Variants in GCNT1 observed in about 807,000 individuals in gnomAD.
The protein encoded by GCNT1 is beta-1,3-galactosyl-O-glycosyl-glycoprotein beta-1,6-N-acetylglucosaminyltransferase.
GCNT1 carries 16 observed loss-of-function variants against 26.2 expected under a neutral mutation model. The ratio of observed to expected loss-of-function variants is 0.61; its 90% CI spans 0.41 to 0.93. The LOEUF is 0.93. GCNT1 is among the 40% of genes least tolerant of loss of function. GCNT1 has a pLI of 0.00. For missense variants in GCNT1, 477 were observed against 526.7 expected (o/e 0.91, Z 0.92); for synonymous variants, 183 against 190.8 (o/e 0.96, Z 0.34).
intron 2 of GCNT1, among the ~76,000 whole-genome samples, chr9:76,471,763 G>C (rs951613756): frequency 6.6e-6 from 1 of 152,186 alleles, no homozygotes; most frequent in African/African-American, 2.4e-5. Flanking sequence ...TGGTAGATGT[G>C]ATTTTGCAGC....
intron 2 of GCNT1, among the ~76,000 whole-genome samples, chr9:76,477,309 C>T (rs549206518): frequency 2.0e-5 from 3 of 150,860 alleles, no homozygotes; most frequent in Non-Finnish European, 3.0e-5. Context: ...GGGTGGATCA[C>T]GAGGTCAGGA....
upstream of GCNT1, among the ~76,000 whole-genome samples, chr9:76,416,641 G>A (rs1324715752): frequency 3.9e-5 from 6 of 152,234 alleles, no homozygotes; most frequent in East Asian, 1.9e-4. Context: ...CAAGTCCCAC[G>A]AAGGGATCCA....
the GCNT1 span, among the ~76,000 whole-genome samples, chr9:76,400,730 G>A: frequency 6.6e-6 from 1 of 152,198 alleles, no homozygotes; most frequent in Non-Finnish European, 1.5e-5. Flanking sequence ...CTGTGAGTCA[G>A]GTATGCTTGA....
At chr9:76,428,576 A>G (rs1032184307) in intron 1 of GCNT1, among the ~76,000 whole-genome samples, 4 of 152,158 alleles carry the variant, frequency 2.6e-5, no homozygotes, top group South Asian at 2.1e-4. Flanking sequence ...CCCCTCCCCA[A>G]TGGTATTTTC....
chr9:76,426,002 G>A (rs778956036), intron 1 of GCNT1, among the ~76,000 whole-genome samples: 62 of 152,148 alleles, frequency 4.1e-4, no homozygotes, highest in Admixed American at 7.2e-4. Context: ...GAGCAATTTG[G>A]GGAGGGTCAG....
At chr9:76,394,052 TG>T in the GCNT1 span, 1 of 1,553,528 alleles carries the variant, frequency 6.4e-7, no homozygotes, top group Non-Finnish European at 8.7e-7. Flanking sequence ...GCTCCCCACG[TG>T]ACCCGGCCCG....
intron 1 of GCNT1, among the ~76,000 whole-genome samples, chr9:76,424,333 T>C (rs1291034811): frequency 6.6e-6 from 1 of 152,156 alleles, no homozygotes; most frequent in Non-Finnish European, 1.5e-5. Context: ...GGAAAAAAAG[T>C]TGTTTCTACC....
intron 3 of GCNT1, among the ~76,000 whole-genome samples, chr9:76,501,557 C>T (rs1202772567): frequency 6.6e-6 from 1 of 152,192 alleles, no homozygotes; most frequent in Non-Finnish European, 1.5e-5. Flanking sequence ...TGGAACTAAA[C>T]TCATTGTGGG....
chr9:76,442,540 G>A (rs998139723), intron 1 of GCNT1, among the ~76,000 whole-genome samples: 2 of 152,116 alleles, frequency 1.3e-5, no homozygotes, highest in Non-Finnish European at 2.9e-5. Flanking sequence ...AATTAGCTGG[G>A]CTTGGTGGTA....
At chr9:76,455,184 A>G (rs1823737519), upstream of GCNT1, among the ~76,000 whole-genome samples, 2 of 152,012 alleles carry the variant, frequency 1.3e-5, no homozygotes, top group African/African-American at 4.8e-5. Flanking sequence ...CAGTCTCAGA[A>G]ATGTCTTTAT....
At chr9:76,466,935 A>G (rs1175602818) in intron 2 of GCNT1, among the ~76,000 whole-genome samples, 3 of 152,206 alleles carry the variant, frequency 2.0e-5, no homozygotes, top group East Asian at 1.9e-4. Context: ...ATTACCTTGA[A>G]GCTTGGCCCT....
At chr9:76,435,830 G>A (rs1022596717) in intron 1 of GCNT1, among the ~76,000 whole-genome samples, 7 of 152,082 alleles carry the variant, frequency 4.6e-5, no homozygotes, top group Non-Finnish European at 4.4e-5. Context: ...AATCTTGAGT[G>A]GAAAAGAGTC....
At chr9:76,488,186 T>C (rs1350913957) in intron 2 of GCNT1, among the ~76,000 whole-genome samples, 1 of 152,250 alleles carries the variant, frequency 6.6e-6, no homozygotes, top group Non-Finnish European at 1.5e-5. Context: ...TCATGATTAA[T>C]GAATACATCT....
upstream of GCNT1, among the ~76,000 whole-genome samples, chr9:76,417,336 A>G (rs1007343958): frequency 6.6e-6 from 1 of 152,194 alleles, no homozygotes; most frequent in African/African-American, 2.4e-5. Flanking sequence ...CCACCTGAGT[A>G]TGTATCACAA....
chr9:76,416,747 T>C (rs915880939), upstream of GCNT1, among the ~76,000 whole-genome samples: 2 of 152,236 alleles, frequency 1.3e-5, no homozygotes, highest in Non-Finnish European at 2.9e-5. Context: ...AGCTTTTTTG[T>C]GATACTTAGG....
intron 2 of GCNT1, among the ~76,000 whole-genome samples, chr9:76,493,399 C>G (rs1587452481): frequency 6.6e-6 from 1 of 152,216 alleles, no homozygotes; most frequent in African/African-American, 2.4e-5. Flanking sequence ...CTAACAATAG[C>G]ATGACATCTC....
chr9:76,435,510 G>C (rs1410321344), intron 1 of GCNT1, among the ~76,000 whole-genome samples: 1 of 152,154 alleles, frequency 6.6e-6, no homozygotes, highest in Non-Finnish European at 1.5e-5. Context: ...CTGGAGGCTA[G>C]CAATCCAAGA....
intron 1 of GCNT1, among the ~76,000 whole-genome samples, chr9:76,434,611 G>A (rs776910699): frequency 5.9e-5 from 9 of 152,124 alleles, no homozygotes; most frequent in Non-Finnish European, 1.3e-4. Context: ...TGAAAAATAT[G>A]AAATCAGTGC....
chr9:76,404,723 G>A, the GCNT1 span, among the ~76,000 whole-genome samples: 1 of 152,138 alleles, frequency 6.6e-6, no homozygotes, highest in African/African-American at 2.4e-5. Context: ...AAGTATCCTG[G>A]ACATTTCAGT....
Sources: gnomAD v4.1 joint callset for allele counts (sites outside exome capture counted in the v4.1 genomes callset) on GRCh38, gnomAD v4.1.1 for gene constraint, MANE v1.5 for transcripts, NCBI Gene and HGNC (gene_info 2026-07-23, HGNC 2026-07-21) for gene names.